PARN: variants seen among roughly 807,000 people sequenced by gnomAD.
The protein encoded by PARN is poly(A)-specific ribonuclease.
PARN carries 71 observed loss-of-function variants against 102.8 expected under a neutral mutation model. That is an observed-to-expected ratio of 0.69 (90% confidence interval 0.57 to 0.84). The LOEUF (loss-of-function observed/expected upper bound fraction) is 0.84. Among genes scored for constraint, PARN ranks in the 40% least tolerant of loss-of-function variants. The pLI is 0.00. For synonymous variants in PARN, 261 were observed against 252.9 expected, an observed-to-expected ratio of 1.03 and a Z score of -0.30; for missense variants, 782 against 760.9, an observed-to-expected ratio of 1.03 and a Z score of -0.33.
chr16:14,528,409 CTT>C (rs1384075151), intron 21 of PARN, among the ~76,000 whole-genome samples: 3 of 152,202 alleles, frequency 2.0e-5, no homozygotes, highest in Admixed American at 6.5e-5. Context: ...GGTTTTGTCT[CTT>C]GTTTAAAAGG....
intron 15 of PARN, 102 bp from the exon 16 acceptor site, chr16:14,584,524 G>T: frequency 1.1e-6 from 1 of 907,544 alleles, no homozygotes; most frequent in Non-Finnish European, 1.7e-6. Flanking sequence ...ATCTAGTACT[G>T]TCTCCTTGTG....
At chr16:14,470,117 T>A (rs1253279503) in intron 22 of PARN, among the ~76,000 whole-genome samples, 1 of 152,206 alleles carries the variant, frequency 6.6e-6, no homozygotes, top group Non-Finnish European at 1.5e-5. Flanking sequence ...TTACTGCTAT[T>A]ATGAAACATG....
rs1400619140 is a variant in PARN at position 14,608,267 on chromosome 16, A to T, written c.659+14T>A. ...GTCCCCCACAGAGCTGCTGCATACA[A>T]TATAAATACTTACTTCCAGCTCAAA... On this transcript the variant is annotated intron_variant, in intron 9 of 23. Coordinates refer to ENST00000437198, the MANE Select transcript of PARN (RefSeq NM_002582.4). The T allele has an allele frequency of 6.6e-7, 1 of 1,519,480 alleles. No homozygotes were observed. The highest frequency in any genetic ancestry group is 2.5e-5 in the East Asian group (1 of 40,732). 94.1% of individuals were successfully genotyped at this position (1,519,480 alleles called of 1,614,324 possible). A position where few individuals can be genotyped will look rare whatever the true frequency, so the allele number is the denominator to read the frequency against.
chr16:14,472,101 C>T (rs914379205), intron 22 of PARN, among the ~76,000 whole-genome samples: 2 of 152,170 alleles, frequency 1.3e-5, no homozygotes, highest in East Asian at 1.9e-4. Context: ...TACATTCATT[C>T]GTCTTTCCTG....
chr16:14,435,927 C>CACACACACACACACACACAG lies in PARN; in HGVS notation c.*789_*790insCTGTGTGTGTGTGTGTGTGT, dbSNP rs1960667000. 6.6e-6 allele frequency: 1 copy of CACACACACACACACACACAG among 152,484 alleles called. No homozygotes were observed. The highest frequency in any genetic ancestry group is 1.5e-5 in the Non-Finnish European group (1 of 68,714). The allele number at this position is 152,484 out of a possible 1,614,324, so 9.4% of individuals were successfully genotyped here. A position where few individuals can be genotyped will look rare whatever the true frequency, so the allele number is the denominator to read the frequency against. Reference sequence around the variant, plus strand: ...ACACACACACACACACACACACACACACACACACACACACACAGACACGTA... The same window carrying CACACACACACACACACACAG: ...ACACACACACACACACACACACACACACACACACACACACACACAGACACACACACACACACAGACACGTA... On this transcript the variant is annotated 3_prime_UTR_variant, in exon 24 of 24. Transcript: ENST00000437198.
intron 6 of PARN, among the ~76,000 whole-genome samples, chr16:14,615,009 A>G (rs927601210): frequency 1.3e-5 from 2 of 152,070 alleles, no homozygotes; most frequent in Non-Finnish European, 2.9e-5. Flanking sequence ...ACAGGGGGAA[A>G]CTAACAAGGA....
intron 21 of PARN, among the ~76,000 whole-genome samples, chr16:14,485,781 G>A (rs1963643474): frequency 1.3e-5 from 2 of 152,002 alleles, no homozygotes; most frequent in Admixed American, 1.3e-4. Flanking sequence ...TCCGCCTCCC[G>A]GGTTCAAGTG....
chr16:14,594,153 A>C (rs970607720), intron 12 of PARN, among the ~76,000 whole-genome samples: 4 of 152,180 alleles, frequency 2.6e-5, no homozygotes, highest in African/African-American at 9.7e-5. Context: ...AAAATAACTA[A>C]TTTCTAACTA....
intron 18 of PARN, among the ~76,000 whole-genome samples, chr16:14,557,562 A>AG (rs1252311350): frequency 3.3e-5 from 5 of 150,654 alleles, no homozygotes; most frequent in Admixed American, 2.6e-4. Context: ...TGCCTCAAAA[A>AG]AAAAAAAAAA....
chr16:14,559,662 C>T (rs1363715813), intron 18 of PARN, among the ~76,000 whole-genome samples: 1 of 152,096 alleles, frequency 6.6e-6, no homozygotes, highest in African/African-American at 2.4e-5. Context: ...ATTTTTTGTA[C>T]CCATAAAAGC....
intron 12 of PARN, 146 bp from the exon 13 acceptor site, chr16:14,593,524 G>C (rs935601135): frequency 5.0e-5 from 14 of 281,266 alleles, no homozygotes; most frequent in Non-Finnish European, 7.5e-5. Flanking sequence ...AAAAAAAAAA[G>C]TACAAATAAG....
chr16:14,578,732 A>G (rs1363766566), intron 18 of PARN: 1 of 152,212 alleles, frequency 6.6e-6, no homozygotes, highest in Non-Finnish European at 1.5e-5. Context: ...TCCTTTAATG[A>G]TGAAGAAAAT....
intron 22 of PARN, among the ~76,000 whole-genome samples, chr16:14,474,289 G>A (rs1962919118): frequency 6.6e-6 from 1 of 152,136 alleles, no homozygotes; most frequent in African/African-American, 2.4e-5. Flanking sequence ...ACAGGCATGC[G>A]CCACTGTGCT....
At chr16:14,621,113 A>G (rs1001734248) in intron 5 of PARN, among the ~76,000 whole-genome samples, 1 of 152,032 alleles carries the variant, frequency 6.6e-6, no homozygotes, top group African/African-American at 2.4e-5. Flanking sequence ...ACAACAAGCA[A>G]TCTTTCCCTA....
chr16:14,622,786 G>A (rs1245387619), intron 5 of PARN, among the ~76,000 whole-genome samples: 1 of 152,174 alleles, frequency 6.6e-6, no homozygotes, highest in Non-Finnish European at 1.5e-5. Flanking sequence ...GATTACAGGA[G>A]TGAGTCACCA....
At chr16:14,540,998 G>T (rs1966823986) in intron 21 of PARN, among the ~76,000 whole-genome samples, 1 of 151,774 alleles carries the variant, frequency 6.6e-6, no homozygotes, top group African/African-American at 2.4e-5. Flanking sequence ...CAACTAAAAA[G>T]CACAGATTTC....
intron 22 of PARN, among the ~76,000 whole-genome samples, chr16:14,479,721 T>C (rs745961248): frequency 3.3e-5 from 5 of 152,056 alleles, no homozygotes; most frequent in African/African-American, 4.8e-5. Flanking sequence ...ACACGATCAG[T>C]TGATTCTTGA....
chr16:14,540,730 T>TGG (rs1966807933), intron 21 of PARN, among the ~76,000 whole-genome samples: 1 of 151,934 alleles, frequency 6.6e-6, no homozygotes, highest in Non-Finnish European at 1.5e-5. Flanking sequence ...GGCAGGCAGG[T>TGG]GGCTTGAGCC....
At chr16:14,451,867 T>TAAAAAAAAAAAAAAAAAAAAAAAAAA (rs1567287329) in intron 22 of PARN, among the ~76,000 whole-genome samples, 3 of 23,770 alleles carry the variant, frequency 1.3e-4, no homozygotes, top group African/African-American at 1.9e-4. Flanking sequence ...AAAAAAAAAA[T>TAAAAAAAAAAAAAAAAAAAAAAAAAA]ACAAAAAAAA....
Sources: allele counts gnomAD v4.1 joint callset (sites outside exome capture counted in the v4.1 genomes callset), GRCh38; gene constraint gnomAD v4.1.1; transcripts MANE v1.5; gene names NCBI Gene and HGNC (gene_info 2026-07-23, HGNC 2026-07-21).